Variants in CNBD1 observed in about 807,000 individuals in gnomAD.
CNBD1 encodes the protein cyclic nucleotide-binding domain-containing protein 1.
CNBD1 carries 71 observed loss-of-function variants against 54.4 expected under a neutral mutation model. That is an observed-to-expected ratio of 1.30 (90% CI 1.08 to 1.59). CNBD1 has a LOEUF of 1.59. Among genes scored for constraint, CNBD1 ranks in the 40% most tolerant of loss-of-function variants. CNBD1 has a pLI of 0.00. For synonymous variants in CNBD1, 182 were observed against 170.7 expected, an observed-to-expected ratio of 1.07 and a Z score of -0.51; for missense variants, 659 against 518.0, an observed-to-expected ratio of 1.27 and a Z score of -2.64.
At position 87,163,607 on chromosome 8, in the gene CNBD1, TC is replaced by T. The variant is rs1812902134; in HGVS notation, c.432-42385del. 6.6e-6 allele frequency among the ~76,000 whole-genome samples: 1 copy of T among 151,888 alleles called. No homozygotes were observed. Among genetic ancestry groups the T allele is most frequent in the African/African-American group, 2.4e-5 (1 of 41,426 alleles). ...TGACATTTTTTAAAATTTCTTTTTT[TC>T]AGATATTTTGTTAGTGTATGAAAAT... On this transcript the variant is annotated intron_variant, in intron 4 of 10. Coordinates refer to ENST00000518476, the MANE Select transcript of CNBD1 (RefSeq NM_173538.3). The surrounding 1 kb of genome is among the most constrained non-coding windows in gnomAD (Gnocchi z 4.5).
chr8:87,279,076 T>G (rs1808538065), intron 6 of CNBD1, among the ~76,000 whole-genome samples: 1 of 151,372 alleles, frequency 6.6e-6, no homozygotes, highest in Admixed American at 6.6e-5. Flanking sequence ...TGTGCCTAAT[T>G]TATAAAGTAA....
At chr8:87,183,186 C>T (rs1813393174) in intron 4 of CNBD1, among the ~76,000 whole-genome samples, 1 of 152,064 alleles carries the variant, frequency 6.6e-6, no homozygotes, top group African/African-American at 2.4e-5. Flanking sequence ...TTTTTGTTGA[C>T]TTTGTCAAAG....
intron 2 of CNBD1, among the ~76,000 whole-genome samples, chr8:86,892,338 C>T (rs1445984295): frequency 6.6e-6 from 1 of 152,020 alleles, no homozygotes; most frequent in African/African-American, 2.4e-5. Flanking sequence ...CAGCTTTTAG[C>T]CCAAAGTCCA....
At chr8:86,916,439 AGCAC>A (rs1235508601) in intron 3 of CNBD1, among the ~76,000 whole-genome samples, 4 of 152,106 alleles carry the variant, frequency 2.6e-5, no homozygotes, top group African/African-American at 9.7e-5. Flanking sequence ...CTGGCCTGCT[AGCAC>A]TTGGGAGGTG....
intron 4 of CNBD1, among the ~76,000 whole-genome samples, chr8:87,087,822 C>G (rs1811133053): frequency 6.6e-6 from 1 of 152,144 alleles, no homozygotes; most frequent in Non-Finnish European, 1.5e-5. Flanking sequence ...CCTGAGAGAT[C>G]ACTGAGTTTA....
At chr8:87,377,537 T>C (rs1810974933) in intron 10 of CNBD1, among the ~76,000 whole-genome samples, 1 of 152,078 alleles carries the variant, frequency 6.6e-6, no homozygotes, top group South Asian at 2.1e-4. Flanking sequence ...CACATTTTCT[T>C]AATCCAGTCT....
At position 87,224,188 on chromosome 8, in the gene CNBD1, A is replaced by G. The variant is rs1187170121; in HGVS notation, c.578-12731A>G. Among the ~76,000 whole-genome samples the G allele has an allele frequency of 5.3e-5, 8 of 151,732 alleles. No individual in the cohort carries two copies. In the East Asian group the frequency reaches 1.6e-3, roughly 29 times the overall value. ...TTGCGAAAATTTTCTCCCATTTTGT[A>G]GGTTGCCTGTTCACTCTGATGGTAG... On this transcript the variant is annotated intron_variant, in intron 5 of 10. Coordinates refer to ENST00000518476, the MANE Select transcript of CNBD1 (RefSeq NM_173538.3).
chr8:87,365,551 C>T (rs1261285953), intron 10 of CNBD1, among the ~76,000 whole-genome samples: 1 of 151,924 alleles, frequency 6.6e-6, no homozygotes, highest in Non-Finnish European at 1.5e-5. Context: ...AAATGTAATC[C>T]TTTATGAATT....
In CNBD1 at chr8:87,294,032, G is replaced by C. The variant is rs571138875; in HGVS notation, c.1042+7361G>C. 2.0e-5 allele frequency among the ~76,000 whole-genome samples: 3 copies of C among 152,218 alleles called. No individual in the cohort carries two copies. In the East Asian group the frequency reaches 5.8e-4, roughly 29 times the overall value. ...TACAGATAATGTGACATCATTAAAG[G>C]TTTTGAATAACAGAAGAGACCTGAA... On this transcript the variant is annotated intron_variant, in intron 8 of 10. Coordinates refer to ENST00000518476, the MANE Select transcript of CNBD1 (RefSeq NM_173538.3).
chr8:87,255,250 G>A (rs886690182), intron 6 of CNBD1, among the ~76,000 whole-genome samples: 1 of 152,092 alleles, frequency 6.6e-6, no homozygotes, highest in Admixed American at 6.6e-5. Flanking sequence ...TGGTGTTCAG[G>A]GAAGGGAGTG....
At chr8:86,866,674 T>C in intron 1 of CNBD1, 91 bp downstream of exon 1, 1 of 888,442 alleles carries the variant, frequency 1.1e-6, no homozygotes, top group South Asian at 1.5e-5. Flanking sequence ...TATTTCAGGG[T>C]TGATAGGGAC....
At chr8:86,936,695 A>G (rs886538866) in intron 3 of CNBD1, among the ~76,000 whole-genome samples, 1 of 150,176 alleles carries the variant, frequency 6.7e-6, no homozygotes, top group Admixed American at 6.7e-5. Context: ...GTGAGCTGAG[A>G]TCGTACCACT....
At chr8:87,218,646 A>G (rs947427945) in intron 5 of CNBD1, among the ~76,000 whole-genome samples, 1 of 152,038 alleles carries the variant, frequency 6.6e-6, no homozygotes. Context: ...GTAACTGATC[A>G]TATTTCCTCT....
At chr8:86,893,807 C>T (rs1012481694) in intron 2 of CNBD1, among the ~76,000 whole-genome samples, 4 of 151,960 alleles carry the variant, frequency 2.6e-5, no homozygotes, top group African/African-American at 9.7e-5. Context: ...TGTTTTGTTA[C>T]CTTTTCTCTT....
In CNBD1 at chr8:86,939,806, G is replaced by T. The variant is rs910524231; in HGVS notation, c.431+52G>T. On this transcript the variant is annotated intron_variant, in intron 4 of 10. Coordinates refer to ENST00000518476, the MANE Select transcript of CNBD1 (RefSeq NM_173538.3). Reference sequence around the variant, plus strand: ...TCTAATTGAGTAATTCTTTTGAATGGCTTTATTTTTTAAAGTTTATTGTTT... The same window carrying T: ...TCTAATTGAGTAATTCTTTTGAATGTCTTTATTTTTTAAAGTTTATTGTTT... 2.6e-6 allele frequency: 3 copies of T among 1,172,238 alleles called. No individual in the cohort carries two copies. The African/African-American group carries it at 4.7e-5, about 18-fold the overall frequency. 72.6% of individuals were successfully genotyped at this position (1,172,238 alleles called of 1,614,324 possible).
intron 4 of CNBD1, among the ~76,000 whole-genome samples, chr8:86,995,450 A>G (rs1808847666): frequency 6.6e-6 from 1 of 152,366 alleles, no homozygotes; most frequent in Middle Eastern, 3.4e-3. Flanking sequence ...CCCATAGGCC[A>G]TAGATTCCTG....
At chr8:87,351,845 T>C in intron 9 of CNBD1, 51 bp downstream of exon 9, 2 of 1,348,960 alleles carry the variant, frequency 1.5e-6, no homozygotes, top group Non-Finnish European at 1.9e-6. Flanking sequence ...CTCTAAAGAA[T>C]AGTGTCAGAT....
intron 4 of CNBD1, among the ~76,000 whole-genome samples, chr8:87,004,958 CA>C (rs1455668577): frequency 1.3e-5 from 2 of 151,418 alleles, no homozygotes; most frequent in African/African-American, 4.9e-5. Flanking sequence ...GCAGGCATCA[CA>C]AAAATTGTCT....
intron 1 of CNBD1, among the ~76,000 whole-genome samples, chr8:86,887,338 A>G (rs925217812): frequency 1.3e-5 from 2 of 152,194 alleles, no homozygotes; most frequent in Non-Finnish European, 2.9e-5. Context: ...CAGATTTGAC[A>G]TCAATAAAAA....
Sources: allele counts gnomAD v4.1 joint callset (sites outside exome capture counted in the v4.1 genomes callset), GRCh38; gene constraint gnomAD v4.1.1; non-coding constraint Gnocchi (gnomAD v3.1); transcripts MANE v1.5; gene names NCBI Gene and HGNC (gene_info 2026-07-23, HGNC 2026-07-21).